Variants in FHIT observed in about 807,000 individuals in gnomAD.
FHIT encodes fragile histidine triad diadenosine triphosphatase, also known as bis(5'-adenosyl)-triphosphatase.
FHIT carries 19 observed loss-of-function variants against 17.9 expected under a neutral mutation model. The ratio of observed to expected loss-of-function variants is 1.06; its 90% CI spans 0.74 to 1.56. The LOEUF (loss-of-function observed/expected upper bound fraction) is 1.56, where lower values mean the gene tolerates loss of function less well. Ranked by LOEUF, FHIT falls within the 40% of genes most tolerant of loss-of-function variation. The pLI, the probability that FHIT is intolerant of heterozygous loss-of-function variation, is 0.00. For missense variants in FHIT, 248 were observed against 189.2 expected (o/e 1.31, Z -1.82); for synonymous variants, 81 against 69.7 (o/e 1.16, Z -0.81).
At chr3:59,778,961 T>C (rs1350713942) in intron 8 of FHIT, among the ~76,000 whole-genome samples, 1 of 152,174 alleles carries the variant, frequency 6.6e-6, no homozygotes, top group Non-Finnish European at 1.5e-5. Flanking sequence ...ATACTTAACC[T>C]GACAAAGACT....
intron 3 of FHIT, among the ~76,000 whole-genome samples, chr3:60,965,561 T>G (rs181417708): frequency 1.3e-5 from 2 of 152,316 alleles, no homozygotes; most frequent in Non-Finnish European, 1.5e-5. Context: ...TCTCCCCATC[T>G]TTGTGGTTTT....
At chr3:60,069,809 AG>A (rs1702687397) in intron 5 of FHIT, among the ~76,000 whole-genome samples, 1 of 152,300 alleles carries the variant, frequency 6.6e-6, no homozygotes, top group Admixed American at 6.5e-5. Context: ...CCATCCTTAG[AG>A]GGGTTTACAC....
intron 5 of FHIT, among the ~76,000 whole-genome samples, chr3:60,362,697 A>G (rs1438995444): frequency 3.3e-5 from 5 of 152,212 alleles, no homozygotes; most frequent in Non-Finnish European, 7.3e-5. Flanking sequence ...CACCTATTCA[A>G]TAGTAACTCC....
intron 5 of FHIT, among the ~76,000 whole-genome samples, chr3:60,262,465 T>A (rs1265961753): frequency 6.6e-6 from 1 of 151,972 alleles, no homozygotes; most frequent in Admixed American, 6.6e-5. Flanking sequence ...CCCACCCTTT[T>A]TGGTTCTGGG....
chr3:60,537,113 G>T, intron 4 of FHIT, 134 bp from the exon 5 acceptor site: 1 of 699,616 alleles, frequency 1.4e-6, no homozygotes, highest in Non-Finnish European at 2.2e-6. Flanking sequence ...GTTCCTCATT[G>T]AATGTTCACC....
intron 5 of FHIT, among the ~76,000 whole-genome samples, chr3:60,425,283 G>A (rs1437570888): frequency 6.6e-6 from 1 of 152,104 alleles, no homozygotes; most frequent in African/African-American, 2.4e-5. Context: ...GAGAAGCAAT[G>A]ATTTTGTTTA....
At chr3:60,940,339 T>C (rs1398601938) in intron 3 of FHIT, among the ~76,000 whole-genome samples, 1 of 152,088 alleles carries the variant, frequency 6.6e-6, no homozygotes, top group Non-Finnish European at 1.5e-5. Context: ...GTCAATTTTA[T>C]AGAACAAAAT....
chr3:60,732,297 A>G lies in FHIT; in HGVS notation c.-18+89622T>C. ...CAACCACTGAGTCTTGGCAGGGCACATGAAAAACTGGGAACCATTTGTGTT... is the reference window on the plus strand; with the variant it reads ...CAACCACTGAGTCTTGGCAGGGCACGTGAAAAACTGGGAACCATTTGTGTT... On this transcript the variant is annotated intron_variant, in intron 4 of 9. Coordinates refer to ENST00000492590, the MANE Select transcript of FHIT (RefSeq NM_002012.4). The G allele has an allele frequency of 7.4e-6, 7 of 948,390 alleles. No homozygotes were observed. The South Asian group carries it at 7.7e-5, about 10-fold the overall frequency. 58.7% of individuals were successfully genotyped at this position (948,390 alleles called of 1,614,324 possible).
intron 2 of FHIT, among the ~76,000 whole-genome samples, chr3:61,091,469 T>C (rs1038583605): frequency 3.9e-5 from 6 of 152,294 alleles, no homozygotes; most frequent in East Asian, 1.9e-4. Flanking sequence ...GCTGTTACTA[T>C]TGTTGTCCTC....
At chr3:61,026,620 C>A (rs754022140) in intron 3 of FHIT, among the ~76,000 whole-genome samples, 1 of 151,992 alleles carries the variant, frequency 6.6e-6, no homozygotes, top group African/African-American at 2.4e-5. Flanking sequence ...AACACAAAAT[C>A]CTAAACTCTC....
intron 5 of FHIT, among the ~76,000 whole-genome samples, chr3:60,319,453 A>C (rs1422444867): frequency 6.6e-6 from 1 of 152,066 alleles, no homozygotes; most frequent in African/African-American, 2.4e-5. Context: ...TTTAAGGGAA[A>C]AAAAAAAAAC....
intron 5 of FHIT, among the ~76,000 whole-genome samples, chr3:60,113,008 T>G (rs1369186638): frequency 6.6e-6 from 1 of 152,152 alleles, no homozygotes; most frequent in Non-Finnish European, 1.5e-5. Flanking sequence ...CAGTGTAGTC[T>G]ATAGTGTGCC....
chr3:60,536,308 A>C (rs1451628400), intron 5 of FHIT: 1 of 152,214 alleles, frequency 6.6e-6, no homozygotes, highest in Non-Finnish European at 1.5e-5. Flanking sequence ...TATTTTTCCC[A>C]AGAGAAAATG....
chr3:60,259,202 A>T (rs767765098), intron 5 of FHIT, among the ~76,000 whole-genome samples: 6 of 152,104 alleles, frequency 3.9e-5, no homozygotes, highest in Admixed American at 6.6e-5. Context: ...GAAATAGAAG[A>T]AGTGGGCAGA....
intron 5 of FHIT, among the ~76,000 whole-genome samples, chr3:60,123,985 T>C (rs1341772342): frequency 1.5e-3 from 72 of 47,446 alleles, no homozygotes; most frequent in African/African-American, 5.0e-3. Flanking sequence ...TATATATATA[T>C]ATATATATAT....
At chr3:60,550,477 A>T (rs1386437536) in intron 4 of FHIT, among the ~76,000 whole-genome samples, 1 of 152,190 alleles carries the variant, frequency 6.6e-6, no homozygotes, top group Non-Finnish European at 1.5e-5. Flanking sequence ...TCACTAAAAA[A>T]ATTTTCAATT....
chr3:61,039,684 C>A (rs996241047), intron 3 of FHIT, among the ~76,000 whole-genome samples: 1 of 152,056 alleles, frequency 6.6e-6, no homozygotes, highest in Admixed American at 6.6e-5. Context: ...AGGGGAACAT[C>A]ACATACCGGG....
Position 60,154,919 on chromosome 3 carries a change from G to C in FHIT, c.104-140767C>G, listed in dbSNP as rs115211879. Among the ~76,000 whole-genome samples the C allele has an allele frequency of 9.7e-3, 1,483 of 152,232 alleles. 21 individuals are homozygous for C. Among genetic ancestry groups the C allele is most frequent in the African/African-American group, 0.033 (1,391 of 41,530 alleles). On this transcript the variant is annotated intron_variant, in intron 5 of 9. Coordinates refer to ENST00000492590, the MANE Select transcript of FHIT (RefSeq NM_002012.4). The stretch of plus-strand genomic sequence containing the variant: ...TTAGGTTGTTCAAGAATAAGGACCA[G>C]GCACGATGGCTCACATACACCTGTA...
intron 5 of FHIT, among the ~76,000 whole-genome samples, chr3:60,344,637 T>C (rs1191859170): frequency 2.0e-5 from 3 of 152,196 alleles, no homozygotes; most frequent in Non-Finnish European, 4.4e-5. Flanking sequence ...GGCTGTATTT[T>C]AGAGACGCCT....
Sources: gnomAD v4.1 joint callset for allele counts (sites outside exome capture counted in the v4.1 genomes callset) on GRCh38, gnomAD v4.1.1 for gene constraint, MANE v1.5 for transcripts, NCBI Gene and HGNC (gene_info 2026-07-23, HGNC 2026-07-21) for gene names.